The following PCDHGA1 variants were observed in gnomAD, a reference collection of about 807,000 sequenced individuals.
The protein encoded by PCDHGA1 is protocadherin gamma subfamily A, 1, also known as protocadherin gamma-A1.
Under a neutral mutation model 58.0 loss-of-function variants are expected in PCDHGA1, and 32 were observed. The ratio of observed to expected loss-of-function variants is 0.55; its 90% CI spans 0.42 to 0.74. PCDHGA1 has a LOEUF of 0.74. Among genes scored for constraint, PCDHGA1 ranks in the 30% least tolerant of loss-of-function variants. The pLI, the probability that PCDHGA1 is intolerant of heterozygous loss-of-function variation, is 0.00. For missense variants in PCDHGA1, 1,205 were observed against 1,182.3 expected (o/e 1.02, Z -0.28); for synonymous variants, 498 against 501.1 (o/e 0.99, Z 0.08).
chr5:141,351,613 C>T (rs1302240583), intron 1 of PCDHGA1: 2 of 1,614,074 alleles, frequency 1.2e-6, no homozygotes, highest in Non-Finnish European at 1.7e-6. Flanking sequence ...TCCATCAGGC[C>T]TCCTATGTGG....
Position 141,432,169 on chromosome 5 carries a change from C to T in PCDHGA1, c.2422-62638C>T. On this transcript the variant is annotated intron_variant, in intron 1 of 3. Transcript: ENST00000517417. The surrounding 1 kb of genome is among the most constrained non-coding windows in gnomAD (Gnocchi z 6.0). ...CAGAGAACAATCCCAGAGGAGTTTCCCTCGTCTCTGTGACCGCCCACGACC... is the reference window on the plus strand; with the variant it reads ...CAGAGAACAATCCCAGAGGAGTTTCTCTCGTCTCTGTGACCGCCCACGACC... The T allele has an allele frequency of 6.2e-7, 1 of 1,614,204 alleles. No homozygotes were observed. The highest frequency in any genetic ancestry group is 1.6e-4 in the Middle Eastern group (1 of 6,062).
intron 1 of PCDHGA1, chr5:141,382,975 G>C (rs1459980689): frequency 6.2e-7 from 1 of 1,610,700 alleles, no homozygotes; most frequent in Non-Finnish European, 8.5e-7. Context: ...CCCCTGGGAA[G>C]CCTGGGCAGG....
chr5:141,350,910 C>A (rs759995473), intron 1 of PCDHGA1: 4 of 1,614,072 alleles, frequency 2.5e-6, no homozygotes, highest in South Asian at 2.2e-5. Context: ...GGCGGGGACC[C>A]GCCTCTAAGC....
At position 141,431,052 on chromosome 5, in the gene PCDHGA1, G is replaced by T. The variant is rs148326556; in HGVS notation, c.2422-63755G>T. 7.4e-6 allele frequency: 12 copies of T among 1,614,110 alleles called. No homozygotes were observed. The African/African-American group carries it at 1.6e-4, about 22-fold the overall frequency. On this transcript the variant is annotated intron_variant, in intron 1 of 3. Coordinates refer to ENST00000517417, the MANE Select transcript of PCDHGA1 (RefSeq NM_018912.3). The surrounding 1 kb of genome is among the most constrained non-coding windows in gnomAD (Gnocchi z 4.8). ...ATAGACCGGGAGGAGCTCTGTATGG[G>T]GGCCATCAAGTGTCAATTAAATCTA...
At chr5:141,508,029 A>C (rs941166006) in intron 3 of PCDHGA1, 10 of 152,264 alleles carry the variant, frequency 6.6e-5, no homozygotes, top group African/African-American at 2.4e-4. Flanking sequence ...TGCGGTTTGC[A>C]GCTCAGCCAG....
intron 1 of PCDHGA1, chr5:141,350,889 C>T: frequency 1.2e-6 from 2 of 1,614,074 alleles, no homozygotes; most frequent in Non-Finnish European, 1.7e-6. Context: ...TTAATCCTGA[C>T]TGCCATGGAT....
intron 1 of PCDHGA1, chr5:141,343,765 G>A (rs1288187781): frequency 2.6e-6 from 1 of 380,664 alleles, no homozygotes; most frequent in Non-Finnish European, 4.7e-6. Flanking sequence ...TGCAGTAAAC[G>A]GTTAGGCCTC....
chr5:141,411,515 T>A (rs1381474249), intron 1 of PCDHGA1: 1 of 151,910 alleles, frequency 6.6e-6, no homozygotes, highest in East Asian at 1.9e-4. Flanking sequence ...TCCTGGGAGG[T>A]CAAGGTTGCA....
intron 1 of PCDHGA1, among the ~76,000 whole-genome samples, chr5:141,445,937 A>C (rs2098482193): frequency 6.6e-6 from 1 of 152,202 alleles, no homozygotes; most frequent in African/African-American, 2.4e-5. Flanking sequence ...TGAATTATTA[A>C]GCTTACTCTG....
chr5:141,340,844 G>C lies in PCDHGA1; in HGVS notation c.2421+7739G>C, dbSNP rs199765466. ...CTTCTCGGTGGGTCTGCACACGGGCGAGGTGCGCACGGCGCGAGCCCTGCT... is the reference window on the plus strand; with the variant it reads ...CTTCTCGGTGGGTCTGCACACGGGCCAGGTGCGCACGGCGCGAGCCCTGCT... On this transcript the variant is annotated intron_variant, in intron 1 of 3. Coordinates refer to ENST00000517417, the MANE Select transcript of PCDHGA1 (RefSeq NM_018912.3). The C allele has an allele frequency of 1.3e-5, 21 of 1,612,600 alleles. No individual in the cohort carries two copies. Among genetic ancestry groups the C allele is most frequent in the Admixed American group, 3.3e-5 (2 of 59,938 alleles).
chr5:141,429,729 A>G (rs1362403236), intron 1 of PCDHGA1, among the ~76,000 whole-genome samples: 1 of 152,240 alleles, frequency 6.6e-6, no homozygotes, highest in African/African-American at 2.4e-5. Flanking sequence ...GAAAGTACGT[A>G]GCCAGTTATT....
At position 141,330,772 on chromosome 5, in the gene PCDHGA1, A is replaced by G. The variant is rs1301495031; in HGVS notation, c.88A>G (p.Asn30Asp). 1 of 1,614,216 alleles carries G rather than the reference A, an allele frequency of 6.2e-7. No homozygotes were observed. Among genetic ancestry groups the G allele is most frequent in the Non-Finnish European group, 8.5e-7 (1 of 1,180,044 alleles). ...LELLLEAGAG[N>D]IHYSVPEETD... ...GCTGCTGTTGGAAGCTGGGGCTGGG[A>G]ATATTCACTACTCAGTGCCGGAAGA... The change falls in exon 1 of 4, where the codon AAT (asparagine) becomes GAT (aspartate). Residue 30 changes from asparagine (N) to aspartate (D), a missense_variant. Coordinates refer to ENST00000517417, the MANE Select transcript of PCDHGA1 (RefSeq NM_018912.3).
chr5:141,388,657 G>C (rs769160604), intron 1 of PCDHGA1: 2 of 1,613,878 alleles, frequency 1.2e-6, no homozygotes, highest in African/African-American at 1.3e-5. Flanking sequence ...GTGTACCCGG[G>C]GACCACGGTG....
chr5:141,374,696 G>T (rs747520978), intron 1 of PCDHGA1: 1 of 1,609,314 alleles, frequency 6.2e-7, no homozygotes, highest in South Asian at 1.1e-5. Context: ...CCGGGAAGGA[G>T]AAGCCGTTTA....
At position 141,432,395 on chromosome 5, in the gene PCDHGA1, G is replaced by A; in HGVS notation, c.2422-62412G>A. 6.2e-7 allele frequency: 1 copy of A among 1,614,240 alleles called. No individual in the cohort carries two copies. ...CGGGCACCCGCCCCTCAGCAGCAAC[G>A]TGTCGTTGAGCCTGTTCGTGCTGGA... On this transcript the variant is annotated intron_variant, in intron 1 of 3. Coordinates refer to ENST00000517417, the MANE Select transcript of PCDHGA1 (RefSeq NM_018912.3). This position sits in a 1 kb window ranked among gnomAD's most constrained non-coding sequence, Gnocchi z 6.0.
intron 1 of PCDHGA1, chr5:141,351,015 T>C (rs752618753): frequency 1.2e-6 from 2 of 1,614,054 alleles, no homozygotes; most frequent in Non-Finnish European, 1.7e-6. Flanking sequence ...CAAGAAAACG[T>C]ACCGTGGGGA....
intron 1 of PCDHGA1, chr5:141,365,843 G>C: frequency 6.2e-7 from 1 of 1,613,912 alleles, no homozygotes; most frequent in Non-Finnish European, 8.5e-7. Flanking sequence ...GTCCTCCTAT[G>C]TATCCATTAA....
At chr5:141,492,008 G>A (rs1201433644) in intron 1 of PCDHGA1, 21 of 616,588 alleles carry the variant, frequency 3.4e-5, no homozygotes, top group Admixed American at 2.9e-4. Flanking sequence ...CGATTTCCGC[G>A]GGTGTCGGGG....
chr5:141,394,619 C>T, intron 1 of PCDHGA1: 1 of 1,613,528 alleles, frequency 6.2e-7, no homozygotes, highest in Non-Finnish European at 8.5e-7. Flanking sequence ...GCCAGAACGC[C>T]TGGCTGTCCT....
Sources: gnomAD v4.1 joint callset for allele counts (sites outside exome capture counted in the v4.1 genomes callset) on GRCh38, gnomAD v4.1.1 for gene constraint, Gnocchi (gnomAD v3.1) non-coding constraint, MANE v1.5 for transcripts, NCBI Gene and HGNC (gene_info 2026-07-23, HGNC 2026-07-21) for gene names.